C1GALT1: variants seen among roughly 807,000 people sequenced by gnomAD.
The protein encoded by C1GALT1 is core 1 synthase, glycoprotein-N-acetylgalactosamine 3-beta-galactosyltransferase 1, also known as glycoprotein-N-acetylgalactosamine 3-beta-galactosyltransferase 1.
C1GALT1 carries 11 observed loss-of-function variants against 31.0 expected under a neutral mutation model. The ratio of observed to expected loss-of-function variants is 0.36; its 90% CI spans 0.22 to 0.59. C1GALT1 has a LOEUF of 0.59. C1GALT1 is among the 20% of genes least tolerant of loss of function. C1GALT1 has a pLI of 0.79. For missense variants in C1GALT1, 424 were observed against 425.2 expected (o/e 1.00, Z 0.03); for synonymous variants, 175 against 143.6 (o/e 1.22, Z -1.56).
chr7:7,184,981 A>G (rs1037099984), intron 1 of C1GALT1, among the ~76,000 whole-genome samples: 3 of 152,226 alleles, frequency 2.0e-5, no homozygotes, highest in African/African-American at 7.2e-5. Context: ...TTATCTTAAA[A>G]TCTGGTTAGA....
chr7:7,168,616 T>C (rs1412427103), intron 2 of C1GALT1, among the ~76,000 whole-genome samples: 1 of 152,206 alleles, frequency 6.6e-6, no homozygotes, highest in Non-Finnish European at 1.5e-5. Context: ...TACAAAATAT[T>C]TCATCAACTA....
chr7:7,216,252 T>C (rs578109953), intron 1 of C1GALT1, among the ~76,000 whole-genome samples: 1 of 152,218 alleles, frequency 6.6e-6, no homozygotes, highest in Non-Finnish European at 1.5e-5. Context: ...CCTTCCTTTC[T>C]GTATGACCCA....
At chr7:7,167,421 C>A (rs7790570) in intron 2 of C1GALT1, among the ~76,000 whole-genome samples, 1,974 of 152,158 alleles carry the variant, frequency 0.013, 30 homozygotes, top group African/African-American at 0.045. Context: ...TGTTATACTG[C>A]ACATTACACA....
intron 1 of C1GALT1, chr7:7,183,676 C>G (rs896490088): frequency 4.9e-6 from 4 of 824,278 alleles, no homozygotes; most frequent in East Asian, 2.5e-4. Context: ...CTCCCCACCC[C>G]CCACCACCCC....
intron 1 of C1GALT1, among the ~76,000 whole-genome samples, chr7:7,208,940 A>G (rs1781872017): frequency 6.6e-6 from 1 of 152,220 alleles, no homozygotes; most frequent in African/African-American, 2.4e-5. Flanking sequence ...TGAAGTTTTC[A>G]GTATACTTTG....
At chr7:7,242,469 C>T (rs1005398847) in intron 3 of C1GALT1, among the ~76,000 whole-genome samples, 15 of 152,046 alleles carry the variant, frequency 9.9e-5, no homozygotes, top group South Asian at 2.1e-4. Flanking sequence ...CTGTAAGCTA[C>T]ATACTTCCAA....
At chr7:7,213,022 A>G (rs2128239493) in intron 1 of C1GALT1, among the ~76,000 whole-genome samples, 1 of 152,342 alleles carries the variant, frequency 6.6e-6, no homozygotes, top group Non-Finnish European at 1.5e-5. Context: ...GAAAAACCAA[A>G]CAAGGATCAA....
chr7:7,197,435 G>T (rs1038472657), intron 1 of C1GALT1, among the ~76,000 whole-genome samples: 1 of 152,126 alleles, frequency 6.6e-6, no homozygotes, highest in African/African-American at 2.4e-5. Context: ...TGCTGTTTTG[G>T]TTACTGTAGC....
In C1GALT1 at chr7:7,173,793, C is replaced by A. The variant is rs1156774170; in HGVS notation, c.-18+16367C>A. Among the ~76,000 whole-genome samples, 3 of 152,100 alleles carry A rather than the reference C, an allele frequency of 2.0e-5. No homozygotes were observed. In the East Asian group the frequency reaches 5.8e-4, roughly 29 times the overall value. On this transcript the variant is annotated intron_variant, in intron 2 of 3. Coordinates refer to the C1GALT1 transcript ENST00000429911. The stretch of plus-strand genomic sequence containing the variant: ...TGGTGCATGCCTCTGGTCCCTGTTA[C>A]TCGGGAGGCTGAGACAGGAGGATCA...
chr7:7,232,504 T>G (rs1435569341), intron 1 of C1GALT1, among the ~76,000 whole-genome samples: 1 of 145,856 alleles, frequency 6.9e-6, no homozygotes, highest in African/African-American at 2.5e-5. Flanking sequence ...TTTGTTTTTT[T>G]TTTTTTGAGA....
At chr7:7,194,728 G>C (rs1781214930) in intron 1 of C1GALT1, among the ~76,000 whole-genome samples, 1 of 152,032 alleles carries the variant, frequency 6.6e-6, no homozygotes, top group African/African-American at 2.4e-5. Flanking sequence ...TCTGTATTGT[G>C]GGATAGTGTC....
chr7:7,165,110 G>T (rs922475796), intron 2 of C1GALT1, among the ~76,000 whole-genome samples: 5 of 152,114 alleles, frequency 3.3e-5, no homozygotes, highest in Non-Finnish European at 7.4e-5. Context: ...GGTTGGTCTG[G>T]CATTTTTATG....
chr7:7,172,962 T>C (rs549237147), intron 2 of C1GALT1, among the ~76,000 whole-genome samples: 1 of 152,320 alleles, frequency 6.6e-6, no homozygotes, highest in South Asian at 2.1e-4. Flanking sequence ...GCTCCACCTA[T>C]TCATCATTCC....
intron 1 of C1GALT1, among the ~76,000 whole-genome samples, chr7:7,217,967 G>A (rs1782324037): frequency 6.6e-6 from 1 of 152,196 alleles, no homozygotes; most frequent in African/African-American, 2.4e-5. Context: ...GTTAGATACT[G>A]GTGAGAGAAA....
intron 2 of C1GALT1, among the ~76,000 whole-genome samples, chr7:7,175,870 G>T (rs1279384375): frequency 6.6e-6 from 1 of 151,876 alleles, no homozygotes; most frequent in Non-Finnish European, 1.5e-5. Context: ...TGGGGAGAGA[G>T]AACTCTTCCT....
intron 1 of C1GALT1, among the ~76,000 whole-genome samples, chr7:7,226,367 TA>T (rs57103163): frequency 0.4 from 58,605 of 145,896 alleles, 14,236 homozygotes; most frequent in East Asian, 0.71. Context: ...TGTTAAAATT[TA>T]AAAAAAAAAA....
chr7:7,197,518 A>G (rs1309786611), intron 1 of C1GALT1, among the ~76,000 whole-genome samples: 2 of 152,098 alleles, frequency 1.3e-5, no homozygotes, highest in African/African-American at 4.8e-5. Context: ...TTGTCTTGGC[A>G]ATGCGGGCTC....
intron 2 of C1GALT1, among the ~76,000 whole-genome samples, chr7:7,174,086 C>T (rs958974362): frequency 5.3e-5 from 8 of 151,984 alleles, no homozygotes; most frequent in East Asian, 1.9e-4. Flanking sequence ...TGTCCCCACA[C>T]GGCCTTTCCT....
intron 1 of C1GALT1, among the ~76,000 whole-genome samples, chr7:7,203,409 A>C (rs1471498655): frequency 2.0e-5 from 3 of 152,024 alleles, no homozygotes; most frequent in Non-Finnish European, 4.4e-5. Flanking sequence ...AAGCATATTG[A>C]ATTTTGTCAG....
Sources: allele counts gnomAD v4.1 joint callset (sites outside exome capture counted in the v4.1 genomes callset), GRCh38; gene constraint gnomAD v4.1.1; transcripts MANE v1.5; gene names NCBI Gene and HGNC (gene_info 2026-07-23, HGNC 2026-07-21).